Variants in LRP1B observed in about 807,000 individuals in gnomAD.
LRP1B encodes the protein low-density lipoprotein receptor-related protein 1B.
A neutral mutation model predicts 556.6 loss-of-function variants in LRP1B; 217 were observed. The observed-to-expected ratio is 0.39, with a 90% CI of 0.35 to 0.44. LRP1B has a LOEUF of 0.44. Ranked by LOEUF, LRP1B falls within the 20% of genes least tolerant of loss-of-function variation. The pLI, the probability that LRP1B is intolerant of heterozygous loss-of-function variation, is 1.00. For missense variants in LRP1B, 5,053 were observed against 5,620.8 expected, an observed-to-expected ratio of 0.90 and a Z score of 3.23; for synonymous variants, 2,047 against 1,865.8, an observed-to-expected ratio of 1.10 and a Z score of -2.50.
Position 140,922,839 on chromosome 2 carries a change from T to A in LRP1B, c.3319+126A>T, listed in dbSNP as rs966285638. 7.1e-6 allele frequency: 5 copies of A among 702,476 alleles called. No individual in the cohort carries two copies. The African/African-American group carries it at 7.3e-5, about 10-fold the overall frequency. 43.5% of individuals were successfully genotyped at this position (702,476 alleles called of 1,614,324 possible). A position where few individuals can be genotyped will look rare whatever the true frequency, so the allele number is the denominator to read the frequency against. ...CCCTAAATGTTAACTACTATTATTA[T>A]ACATGAGCACATCTGCCAAAAATAT... On this transcript the variant is annotated intron_variant, in intron 21 of 90. Coordinates refer to ENST00000389484, the MANE Select transcript of LRP1B (RefSeq NM_018557.3).
chr2:140,396,709 G>T (rs1327898615), intron 66 of LRP1B, among the ~76,000 whole-genome samples: 2 of 152,142 alleles, frequency 1.3e-5, no homozygotes, highest in African/African-American at 2.4e-5. Flanking sequence ...AAAATTAAAA[G>T]ATGTGAATTG....
intron 6 of LRP1B, among the ~76,000 whole-genome samples, chr2:141,203,114 T>C (rs1203449970): frequency 9.2e-5 from 14 of 152,194 alleles, no homozygotes; most frequent in South Asian, 2.1e-4. Context: ...ATCAACACTA[T>C]GAAGAAACTA....
chr2:141,036,665 C>A (rs1310051511), intron 11 of LRP1B, among the ~76,000 whole-genome samples: 1 of 151,974 alleles, frequency 6.6e-6, no homozygotes, highest in Admixed American at 6.6e-5. Context: ...GTAAGAAACC[C>A]CCTGGTCCCA....
chr2:141,038,120 A>G (rs1434975608), intron 11 of LRP1B, among the ~76,000 whole-genome samples: 1 of 136,134 alleles, frequency 7.3e-6, no homozygotes, highest in Non-Finnish European at 1.6e-5. Flanking sequence ...AGCCCAGAAA[A>G]GTAAAAACTA....
rs546948705 is a variant in LRP1B at position 141,414,246 on chromosome 2, A to AG, written c.343+66149_343+66150insC. ...GAGTGAGACTCTATCTCAAAAAAAAAAAAAAAAGAAAAAGGAAGGAAGGAG... is the reference window on the plus strand; with the variant it reads ...GAGTGAGACTCTATCTCAAAAAAAAAGAAAAAAAGAAAAAGGAAGGAAGGAG... On this transcript the variant is annotated intron_variant, in intron 3 of 90. Coordinates refer to ENST00000389484, the MANE Select transcript of LRP1B (RefSeq NM_018557.3). 9.1e-3 allele frequency among the ~76,000 whole-genome samples: 1,344 copies of AG among 147,884 alleles called. 26 individuals are homozygous for AG. Among genetic ancestry groups the AG allele is most frequent in the African/African-American group, 0.033 (1,282 of 38,772 alleles).
chr2:140,982,417 T>A, intron 17 of LRP1B, 141 bp from the exon 18 acceptor site: 1 of 578,368 alleles, frequency 1.7e-6, no homozygotes, highest in Non-Finnish European at 3.0e-6. Context: ...AGTCCATTTT[T>A]ATTTAAGGCT....
intron 11 of LRP1B, among the ~76,000 whole-genome samples, chr2:141,040,867 T>C (rs1685841847): frequency 6.6e-6 from 1 of 152,038 alleles, no homozygotes; most frequent in South Asian, 2.1e-4. Context: ...TTTCATAGTA[T>C]GTGAACAGAT....
At chr2:140,376,995 T>A (rs1484124966) in intron 68 of LRP1B, among the ~76,000 whole-genome samples, 1 of 152,012 alleles carries the variant, frequency 6.6e-6, no homozygotes, top group Non-Finnish European at 1.5e-5. Flanking sequence ...GAGAGGTGAG[T>A]ACATATGCTT....
At chr2:141,281,300 G>A (rs551957505) in intron 3 of LRP1B, among the ~76,000 whole-genome samples, 19 of 152,026 alleles carry the variant, frequency 1.2e-4, no homozygotes, top group African/African-American at 4.3e-4. Flanking sequence ...GAAAAAGACT[G>A]TGACAAAAAT....
intron 2 of LRP1B, among the ~76,000 whole-genome samples, chr2:141,797,570 T>G (rs1363405015): frequency 1.3e-5 from 2 of 152,106 alleles, no homozygotes; most frequent in Non-Finnish European, 2.9e-5. Context: ...CATAAGGATA[T>G]GCTCGATTCT....
rs976588727 is a variant in LRP1B at position 142,095,570 on chromosome 2, G to A, written c.82+35078C>T. 2.0e-5 allele frequency among the ~76,000 whole-genome samples: 3 copies of A among 151,650 alleles called. No individual in the cohort carries two copies. The Admixed American group carries it at 2.0e-4, about 10-fold the overall frequency. On this transcript the variant is annotated intron_variant, in intron 1 of 90. Transcript: ENST00000389484. ...TTAACCAATGACTTAAATATTCTGA[G>A]AGTACCCATAGGGTTATATAGGCCT...
In LRP1B at chr2:141,229,245, T is replaced by C. The variant is rs1279974422; in HGVS notation, c.788A>G (p.Gln263Arg). The C allele has an allele frequency of 1.2e-6, 2 of 1,612,182 alleles. No individual in the cohort carries two copies. Among genetic ancestry groups the C allele is most frequent in the Non-Finnish European group, 1.7e-6 (2 of 1,178,444 alleles). ...RESSNQLKCI[Q>R]ITKAGGLTDE... ...TGTTAATCCTCCTGCTTTTGTTATC[T>C]GGATACATTTGAGTTGATTTGAAGA... Residue 263 changes from glutamine to arginine, a missense_variant, in exon 6 of 91, where the codon CAG (glutamine) becomes CGG (arginine). Transcript: ENST00000389484.
At chr2:140,791,422 C>T (rs1690117015) in intron 32 of LRP1B, among the ~76,000 whole-genome samples, 1 of 151,864 alleles carries the variant, frequency 6.6e-6, no homozygotes, top group South Asian at 2.1e-4. Flanking sequence ...GAGTGAGACC[C>T]TGTCTCTAAA....
At chr2:141,090,571 CT>C (rs1160827910) in intron 7 of LRP1B, among the ~76,000 whole-genome samples, 1 of 152,270 alleles carries the variant, frequency 6.6e-6, no homozygotes, top group Admixed American at 6.5e-5. Context: ...CTACATTTCT[CT>C]TATGCAGATT....
intron 35 of LRP1B, among the ~76,000 whole-genome samples, chr2:140,747,388 T>C (rs373727318): frequency 2.0e-5 from 3 of 152,210 alleles, no homozygotes; most frequent in Non-Finnish European, 4.4e-5. Flanking sequence ...GGATTCAATG[T>C]AGCTGAACTT....
At chr2:140,433,783 T>A (rs2105287582) in intron 66 of LRP1B, among the ~76,000 whole-genome samples, 1 of 152,158 alleles carries the variant, frequency 6.6e-6, no homozygotes, top group Non-Finnish European at 1.5e-5. Flanking sequence ...ACATTAGAAC[T>A]ACTTTAATTT....
At chr2:140,569,407 A>G (rs1394322996) in intron 43 of LRP1B, among the ~76,000 whole-genome samples, 2 of 152,062 alleles carry the variant, frequency 1.3e-5, no homozygotes, top group Admixed American at 6.5e-5. Flanking sequence ...AGTGAGCATA[A>G]GTAACTATAT....
At chr2:141,915,366 CCATACAAATGTGT>C (rs1401969582) in intron 1 of LRP1B, among the ~76,000 whole-genome samples, 6 of 151,992 alleles carry the variant, frequency 3.9e-5, no homozygotes, top group Non-Finnish European at 7.4e-5. Context: ...TACAAATACA[CCATACAAATGTGT>C]CATACAAAAA....
At chr2:141,544,296 CTCTTCT>C (rs1175616888) in intron 2 of LRP1B, among the ~76,000 whole-genome samples, 51 of 78,342 alleles carry the variant, frequency 6.5e-4, no homozygotes, top group African/African-American at 2.6e-3. Flanking sequence ...AAATTTACCA[CTCTTCT>C]TCTTCTTCTT....
Sources: gnomAD v4.1 joint callset for allele counts (sites outside exome capture counted in the v4.1 genomes callset) on GRCh38, gnomAD v4.1.1 for gene constraint, MANE v1.5 for transcripts, NCBI Gene and HGNC (gene_info 2026-07-23, HGNC 2026-07-21) for gene names.